BID: variants seen among roughly 807,000 people sequenced by gnomAD.
The protein encoded by BID is BH3 interacting domain death agonist.
A neutral mutation model predicts 17.4 loss-of-function variants in BID; 19 were observed. The ratio of observed to expected loss-of-function variants is 1.09; its 90% CI spans 0.76 to 1.60. The LOEUF is 1.60. Among genes scored for constraint, BID ranks in the 40% most tolerant of loss-of-function variants. BID has a pLI of 0.00. For synonymous variants in BID, 108 were observed against 102.8 expected, an observed-to-expected ratio of 1.05 and a Z score of -0.31; for missense variants, 226 against 256.0, an observed-to-expected ratio of 0.88 and a Z score of 0.80.
chr22:17,774,064 C>T, intron 1 of BID: 1 of 343,042 alleles, frequency 2.9e-6, no homozygotes, highest in Admixed American at 4.7e-5. Flanking sequence ...GCCCCGCACC[C>T]CTCCCCTGAA....
rs150594339 is a variant in BID, at chr22:17,765,685, T to C, written c.-59+8696A>G. On this transcript the variant is annotated intron_variant, in intron 1 of 5. Coordinates refer to ENST00000622694, the MANE Select transcript of BID (RefSeq NM_001196.4). Reference sequence around the variant, plus strand: ...ACACCTGTATTATAGCTAATGCTGATAAACTGAAGAAAAGGGGGGAAGGAT... The same window carrying C: ...ACACCTGTATTATAGCTAATGCTGACAAACTGAAGAAAAGGGGGGAAGGAT... Among the ~76,000 whole-genome samples the C allele has an allele frequency of 5.9e-3, 892 of 152,284 alleles. 9 individuals carry two copies. The highest frequency in any genetic ancestry group is 0.02 in the African/African-American group (838 of 41,546).
chr22:17,756,453 TTC>T (rs2061588025), intron 1 of BID, among the ~76,000 whole-genome samples: 1 of 116,112 alleles, frequency 8.6e-6, no homozygotes, highest in Admixed American at 8.1e-5. Flanking sequence ...CTTTCTTTCT[TTC>T]TTTCTTTCTT....
At chr22:17,759,020 C>T (rs2061614508) in intron 1 of BID, among the ~76,000 whole-genome samples, 12 of 152,038 alleles carry the variant, frequency 7.9e-5, no homozygotes. Flanking sequence ...ATCACAAGGT[C>T]AAGAGATCGA....
intron 3 of BID, chr22:17,740,084 C>A: frequency 6.2e-7 from 1 of 1,611,714 alleles, no homozygotes; most frequent in South Asian, 1.1e-5. Context: ...CCGAGTACCA[C>A]TGTCGCAGCT....
intron 1 of BID, among the ~76,000 whole-genome samples, chr22:17,770,029 G>T (rs1055327004): frequency 6.6e-6 from 1 of 152,060 alleles, no homozygotes; most frequent in African/African-American, 2.4e-5. Flanking sequence ...AGGGCCCTTC[G>T]TGCCACTGGC....
At position 17,743,775 on chromosome 22, in the gene BID, G is replaced by C. The variant is rs752491643; in HGVS notation, c.223+28C>G. ...ACTGGCGACAGAGAAGCCCAGCTTT[G>C]GGGAAGGAGGTGGGGCCGGCCGCCT... On this transcript the variant is annotated intron_variant, in intron 3 of 5. Coordinates refer to ENST00000622694, the MANE Select transcript of BID (RefSeq NM_001196.4). 4 of 1,588,624 alleles carry C rather than the reference G, an allele frequency of 2.5e-6. No homozygotes were observed. The South Asian group carries it at 4.5e-5, about 18-fold the overall frequency.
chr22:17,761,433 T>G (rs1311328125), intron 1 of BID, among the ~76,000 whole-genome samples: 1 of 147,490 alleles, frequency 6.8e-6, no homozygotes, highest in African/African-American at 2.5e-5. Flanking sequence ...CTTTCACTTT[T>G]TTTTTTTTTT....
chr22:17,767,552 G>A (rs1332914532), intron 1 of BID, among the ~76,000 whole-genome samples: 1 of 152,206 alleles, frequency 6.6e-6, no homozygotes, highest in Non-Finnish European at 1.5e-5. Context: ...GAGCTCAAAA[G>A]AGGCTAAGGA....
At position 17,738,224 on chromosome 22, in the gene BID, C is replaced by A; in HGVS notation, c.369G>T (p.Arg123=). 1 of 1,610,118 alleles carries A rather than the reference C, an allele frequency of 6.2e-7. No individual in the cohort carries two copies. The highest frequency in any genetic ancestry group is 8.5e-7 in the Non-Finnish European group (1 of 1,179,908). ...LRNTSRSEED[R]NRDLATALEQ... ...CCAGGGCAGTGGCCAGGTCCCTGTT[C>A]CGGTCCTGCACAGAGGGGCACACAG... The change falls in exon 5 of 6, where the codon CGG becomes CGT. Residue 123 remains arginine, a synonymous_variant. Coordinates refer to ENST00000622694, the MANE Select transcript of BID (RefSeq NM_001196.4).
chr22:17,759,291 G>T (rs1223409777), intron 1 of BID, among the ~76,000 whole-genome samples: 6 of 151,374 alleles, frequency 4.0e-5, no homozygotes, highest in Admixed American at 2.6e-4. Context: ...GGGTGCGGTG[G>T]CTCACACCTG....
intron 5 of BID, among the ~76,000 whole-genome samples, chr22:17,736,628 T>G (rs1159356812): frequency 6.6e-6 from 1 of 152,146 alleles, no homozygotes; most frequent in Non-Finnish European, 1.5e-5. Context: ...GAACACTGTA[T>G]GTTTGTTTTT....
intron 1 of BID, among the ~76,000 whole-genome samples, chr22:17,756,432 C>CTTTCTTCTTTCT (rs564601583): frequency 1.4e-5 from 1 of 69,232 alleles, no homozygotes; most frequent in Non-Finnish European, 3.1e-5. Flanking sequence ...TTCTTTCTTT[C>CTTTCTTCTTTCT]TTCTTTCTTT....
At chr22:17,753,339 G>A (rs979253946) in intron 1 of BID, among the ~76,000 whole-genome samples, 13 of 152,182 alleles carry the variant, frequency 8.5e-5, no homozygotes, top group Non-Finnish European at 7.3e-5. Context: ...TGGCAGTCTC[G>A]GGAGAGGACA....
chr22:17,747,529 C>T (rs1313905878), intron 2 of BID, among the ~76,000 whole-genome samples: 2 of 152,014 alleles, frequency 1.3e-5, no homozygotes, highest in Non-Finnish European at 2.9e-5. Context: ...CCATGTTGGC[C>T]AGGCTGGTCT....
intron 1 of BID, among the ~76,000 whole-genome samples, chr22:17,753,505 T>C (rs903860887): frequency 2.0e-5 from 3 of 152,204 alleles, no homozygotes; most frequent in African/African-American, 7.2e-5. Context: ...TGGTCAACTT[T>C]AGGTGGAGCA....
Position 17,773,777 on chromosome 22 carries a change from GTCAT to G in BID, c.-59+600_-59+603del, listed in dbSNP as rs2061738731. ...CAGAGCTCTCCCAGGGTCCCCTGGG[GTCAT>G]TCAGCCACTCAACAGTTTCCCAGCA... On this transcript the variant is annotated intron_variant, in intron 1 of 5. Coordinates refer to ENST00000622694, the MANE Select transcript of BID (RefSeq NM_001196.4). The surrounding 1 kb of genome is among the most constrained non-coding windows in gnomAD (Gnocchi z 4.4). The G allele has an allele frequency of 8.1e-7, 1 of 1,234,492 alleles. No individual in the cohort carries two copies. The highest frequency in any genetic ancestry group is 1.1e-6 in the Non-Finnish European group (1 of 871,658). 76.5% of individuals were successfully genotyped at this position (1,234,492 alleles called of 1,614,324 possible). A position where few individuals can be genotyped will look rare whatever the true frequency, so the allele number is the denominator to read the frequency against.
At chr22:17,739,624 C>T in intron 3 of BID, 136 bp from the exon 4 acceptor site, 1 of 1,193,874 alleles carries the variant, frequency 8.4e-7, no homozygotes, top group Non-Finnish European at 1.2e-6. Flanking sequence ...ACGTGCTCCA[C>T]TCCACCAGGG....
At chr22:17,745,891 G>T (rs979740071) in intron 2 of BID, among the ~76,000 whole-genome samples, 2 of 151,984 alleles carry the variant, frequency 1.3e-5, no homozygotes, top group Non-Finnish European at 2.9e-5. Context: ...GCTTGAACCC[G>T]GGAGGTGGAG....
At chr22:17,771,163 G>A (rs1157430470) in intron 1 of BID, among the ~76,000 whole-genome samples, 1 of 152,136 alleles carries the variant, frequency 6.6e-6, no homozygotes, top group Non-Finnish European at 1.5e-5. Flanking sequence ...GCAGTGGCGC[G>A]ATCTCGGCTC....
Sources: allele counts gnomAD v4.1 joint callset (sites outside exome capture counted in the v4.1 genomes callset), GRCh38; gene constraint gnomAD v4.1.1; non-coding constraint Gnocchi (gnomAD v3.1); transcripts MANE v1.5; gene names NCBI Gene and HGNC (gene_info 2026-07-23, HGNC 2026-07-21).